Variants in ATXN7L1 observed in about 807,000 individuals in gnomAD.
The protein encoded by ATXN7L1 is ataxin 7 like 1.
In ATXN7L1, 15 loss-of-function variants were observed where a neutral mutation model predicts 70.8. The ratio of observed to expected loss-of-function variants is 0.21; its 90% CI spans 0.14 to 0.33. ATXN7L1 has a LOEUF of 0.33. Ranked by LOEUF, ATXN7L1 falls within the 10% of genes least tolerant of loss-of-function variation. ATXN7L1 has a pLI of 1.00. For missense variants in ATXN7L1, 975 were observed against 1,097.1 expected (o/e 0.89, Z 1.57); for synonymous variants, 440 against 445.1 (o/e 0.99, Z 0.14).
intron 2 of ATXN7L1, among the ~76,000 whole-genome samples, chr7:105,861,224 C>A (rs1240004203): frequency 6.6e-6 from 1 of 152,132 alleles, no homozygotes; most frequent in Non-Finnish European, 1.5e-5. Flanking sequence ...GGACTGAGGA[C>A]TTTGAATGCT....
intron 4 of ATXN7L1, chr7:105,649,492 G>A (rs146039771): frequency 1.9e-4 from 185 of 987,680 alleles, no homozygotes; most frequent in Non-Finnish European, 2.1e-4. Flanking sequence ...AGATCAAGGC[G>A]GGTCCTCTGG....
At chr7:105,612,841 A>T (rs1302969970) in intron 10 of ATXN7L1, among the ~76,000 whole-genome samples, 4 of 152,232 alleles carry the variant, frequency 2.6e-5, no homozygotes, top group Non-Finnish European at 5.9e-5. Flanking sequence ...ACATTAAAAC[A>T]TCTTTTAACA....
At chr7:105,865,689 C>CCG (rs1218935428) in intron 2 of ATXN7L1, among the ~76,000 whole-genome samples, 1 of 152,208 alleles carries the variant, frequency 6.6e-6, no homozygotes, top group Non-Finnish European at 1.5e-5. Context: ...GCGTGAGCCA[C>CCG]TGCACCCGGG....
At chr7:105,875,662 G>T in intron 2 of ATXN7L1, 150 bp downstream of exon 2, 1 of 268,032 alleles carries the variant, frequency 3.7e-6, no homozygotes, top group Non-Finnish European at 6.8e-6. Flanking sequence ...TTTGAAAGAA[G>T]TTAACATGAA....
At chr7:105,728,916 C>T (rs1263157927) in intron 3 of ATXN7L1, among the ~76,000 whole-genome samples, 4 of 152,054 alleles carry the variant, frequency 2.6e-5, no homozygotes, top group Non-Finnish European at 5.9e-5. Flanking sequence ...TGGATTATAA[C>T]CCAAAGTACA....
intron 2 of ATXN7L1, among the ~76,000 whole-genome samples, chr7:105,797,552 G>T (rs1343140583): frequency 6.6e-6 from 1 of 152,374 alleles, no homozygotes; most frequent in Admixed American, 6.5e-5. Context: ...CCTGCTTGCT[G>T]AGCCCTGGAG....
chr7:105,764,801 T>C (rs1395088737), intron 3 of ATXN7L1, among the ~76,000 whole-genome samples: 1 of 152,158 alleles, frequency 6.6e-6, no homozygotes, highest in East Asian at 1.9e-4. Flanking sequence ...AATTTTTTTT[T>C]CCAGGAACGA....
intron 3 of ATXN7L1, among the ~76,000 whole-genome samples, chr7:105,781,797 C>G (rs1803571012): frequency 6.6e-6 from 1 of 152,018 alleles, no homozygotes; most frequent in African/African-American, 2.4e-5. Flanking sequence ...AGTAACCTGC[C>G]CAAGGTCACA....
chr7:105,662,082 C>CCTTCCTTCTTTCT (rs1554414718), intron 4 of ATXN7L1, among the ~76,000 whole-genome samples: 1 of 78,820 alleles, frequency 1.3e-5, no homozygotes, highest in African/African-American at 3.8e-5. Context: ...TTCCTTCCTT[C>CCTTCCTTCTTTCT]TTTCTTTTCT....
chr7:105,677,780 G>A (rs1243429912), intron 3 of ATXN7L1, among the ~76,000 whole-genome samples: 1 of 152,162 alleles, frequency 6.6e-6, no homozygotes. Flanking sequence ...AATCCTATGG[G>A]AGCACACTGT....
chr7:105,733,753 T>TCCATCCATCCTTCCATCCATCCATCCAC, intron 3 of ATXN7L1, among the ~76,000 whole-genome samples: 1 of 128,342 alleles, frequency 7.8e-6, no homozygotes. Flanking sequence ...CAACCACCCA[T>TCCATCCATCCTTCCATCCATCCATCCAC]CCATCCACCC....
intron 3 of ATXN7L1, among the ~76,000 whole-genome samples, chr7:105,688,241 T>TA (rs1790227233): frequency 6.6e-6 from 1 of 151,918 alleles, no homozygotes; most frequent in East Asian, 1.9e-4. Flanking sequence ...CTTCGCCTAA[T>TA]AAAAAAAATC....
chr7:105,860,081 T>G (rs978868873), intron 2 of ATXN7L1, among the ~76,000 whole-genome samples: 2 of 147,380 alleles, frequency 1.4e-5, no homozygotes, highest in African/African-American at 4.9e-5. Context: ...ATGCCTGGCC[T>G]GTATATTTCT....
At chr7:105,725,486 C>G (rs1795695709) in intron 3 of ATXN7L1, among the ~76,000 whole-genome samples, 1 of 152,176 alleles carries the variant, frequency 6.6e-6, no homozygotes, top group African/African-American at 2.4e-5. Flanking sequence ...CTACAACATT[C>G]CCCAGTGCAT....
chr7:105,815,775 C>T (rs761634864), intron 2 of ATXN7L1, among the ~76,000 whole-genome samples: 3 of 152,158 alleles, frequency 2.0e-5, no homozygotes, highest in Non-Finnish European at 4.4e-5. Flanking sequence ...GCATGATGCT[C>T]GGCAGCTTGC....
chr7:105,611,034 C>G (rs1241905326), intron 10 of ATXN7L1, among the ~76,000 whole-genome samples: 1 of 152,240 alleles, frequency 6.6e-6, no homozygotes, highest in Admixed American at 6.5e-5. Flanking sequence ...ACTCCCTCAG[C>G]CTGGCTGCAG....
chr7:105,646,321 C>A (rs1443197427), intron 4 of ATXN7L1, among the ~76,000 whole-genome samples: 1 of 151,368 alleles, frequency 6.6e-6, no homozygotes. Flanking sequence ...CACTGGCACC[C>A]CCCAAACCCA....
intron 3 of ATXN7L1, among the ~76,000 whole-genome samples, chr7:105,712,773 C>T (rs537237822): frequency 2.0e-5 from 3 of 152,324 alleles, no homozygotes; most frequent in South Asian, 4.1e-4. Context: ...CTAGGAAGTT[C>T]CAGACTGTCC....
In ATXN7L1 at chr7:105,680,898, C is replaced by T. The variant is rs1305618435; in HGVS notation, c.356-15610G>A. Among the ~76,000 whole-genome samples the T allele has an allele frequency of 2.6e-5, 4 of 152,220 alleles. No homozygotes were observed. In the East Asian group the frequency reaches 7.7e-4, roughly 29 times the overall value. On this transcript the variant is annotated intron_variant, in intron 3 of 11. Transcript: ENST00000419735. ...ACAGCTACTCTTGGGCCAGCTCTCC[C>T]AGAGCAATCTGGACCTTCTAGAGCA...
Sources: allele counts gnomAD v4.1 joint callset (sites outside exome capture counted in the v4.1 genomes callset), GRCh38; gene constraint gnomAD v4.1.1; transcripts MANE v1.5; gene names NCBI Gene and HGNC (gene_info 2026-07-23, HGNC 2026-07-21).